Variants in NEK11 observed in about 807,000 individuals in gnomAD.
NEK11 encodes NIMA related kinase 11.
Under a neutral mutation model 80.7 loss-of-function variants are expected in NEK11, and 72 were observed. That is an observed-to-expected ratio of 0.89 (90% confidence interval 0.74 to 1.08). The LOEUF (loss-of-function observed/expected upper bound fraction) is 1.08. NEK11 is among the 50% of genes least tolerant of loss of function. The pLI is 0.00. For missense variants in NEK11, 764 were observed against 763.6 expected (o/e 1.00, Z -0.01); for synonymous variants, 251 against 260.7 (o/e 0.96, Z 0.36).
chr3:131,212,179 G>A (rs1488463916), intron 14 of NEK11, among the ~76,000 whole-genome samples: 1 of 152,150 alleles, frequency 6.6e-6, no homozygotes, highest in African/African-American at 2.4e-5. Context: ...TGATGTTGAT[G>A]CTATTTCTTT....
chr3:131,169,249 TG>T (rs1248084602), intron 13 of NEK11, among the ~76,000 whole-genome samples: 1 of 152,172 alleles, frequency 6.6e-6, no homozygotes, highest in African/African-American at 2.4e-5. Context: ...CTAATCTCAT[TG>T]GGGCTCTGTT....
At chr3:131,038,425 C>A (rs1314439773) in intron 3 of NEK11, among the ~76,000 whole-genome samples, 1 of 152,214 alleles carries the variant, frequency 6.6e-6, no homozygotes, top group African/African-American at 2.4e-5. Flanking sequence ...AAATGACTTT[C>A]CTAAGGCCGC....
chr3:131,144,539 A>G (rs1560619346), intron 7 of NEK11, among the ~76,000 whole-genome samples: 1 of 152,216 alleles, frequency 6.6e-6, no homozygotes, highest in African/African-American at 2.4e-5. Flanking sequence ...ACTGGTACAT[A>G]GAAATATAGT....
intron 16 of NEK11, among the ~76,000 whole-genome samples, chr3:131,260,172 G>T (rs2095889260): frequency 6.6e-6 from 1 of 152,012 alleles, no homozygotes; most frequent in Non-Finnish European, 1.5e-5. Context: ...CTTTTAGAGG[G>T]GAAGTTCTGT....
chr3:131,175,867 T>C (rs2092980720), intron 14 of NEK11, among the ~76,000 whole-genome samples: 1 of 152,190 alleles, frequency 6.6e-6, no homozygotes, highest in Non-Finnish European at 1.5e-5. Flanking sequence ...AAGAACGATG[T>C]GAGTGAAGTC....
intron 3 of NEK11, among the ~76,000 whole-genome samples, chr3:131,062,038 GA>G (rs1353884432): frequency 1.3e-5 from 2 of 152,180 alleles, no homozygotes; most frequent in African/African-American, 4.8e-5. Flanking sequence ...AGGCACCAAA[GA>G]GCAAGTAAAA....
chr3:131,160,061 T>G (rs1180338000), intron 10 of NEK11, among the ~76,000 whole-genome samples: 2 of 152,054 alleles, frequency 1.3e-5, no homozygotes, highest in Non-Finnish European at 2.9e-5. Flanking sequence ...ACACTCAAAT[T>G]CAGAAAATGC....
At chr3:131,153,478 G>A (rs568203242) in intron 9 of NEK11, among the ~76,000 whole-genome samples, 39 of 152,152 alleles carry the variant, frequency 2.6e-4, no homozygotes, top group South Asian at 8.3e-4. Flanking sequence ...GCAGAAAATG[G>A]TCCCCTCTTT....
At chr3:131,256,972 C>A (rs1323444835) in intron 16 of NEK11, among the ~76,000 whole-genome samples, 1 of 151,852 alleles carries the variant, frequency 6.6e-6, no homozygotes, top group Non-Finnish European at 1.5e-5. Flanking sequence ...TTCATGTGGT[C>A]TCTGCTTCTT....
intron 5 of NEK11, among the ~76,000 whole-genome samples, chr3:131,110,816 T>C (rs957579284): frequency 6.6e-6 from 1 of 152,192 alleles, no homozygotes; most frequent in African/African-American, 2.4e-5. Context: ...AGTAATCGGA[T>C]TATTCTGTAA....
At position 131,159,488 on chromosome 3, in the gene NEK11, G is replaced by A. The variant is rs141638311; in HGVS notation, c.963-2920G>A. On this transcript the variant is annotated intron_variant, in intron 10 of 17. Coordinates refer to ENST00000383366, the MANE Select transcript of NEK11 (RefSeq NM_024800.5). ...AACCACACTGTAAGAATTTCAGGCCGGGCCCAGTGGCTCATGCCTATAATC... is the reference window on the plus strand; with the variant it reads ...AACCACACTGTAAGAATTTCAGGCCAGGCCCAGTGGCTCATGCCTATAATC... 1.3e-3 allele frequency among the ~76,000 whole-genome samples: 201 copies of A among 152,302 alleles called. 1 individual carries two copies. The highest frequency in any genetic ancestry group is 4.6e-3 in the African/African-American group (193 of 41,566).
chr3:131,233,585 C>G (rs1351772864), intron 15 of NEK11, among the ~76,000 whole-genome samples: 1 of 152,146 alleles, frequency 6.6e-6, no homozygotes, highest in Non-Finnish European at 1.5e-5. Context: ...AGGAAGGGAT[C>G]ATGAGTTAGG....
intron 5 of NEK11, among the ~76,000 whole-genome samples, chr3:131,128,333 A>G (rs1227080981): frequency 2.6e-5 from 4 of 151,934 alleles, no homozygotes; most frequent in African/African-American, 4.8e-5. Flanking sequence ...TCCCTCTTAA[A>G]CCCTGGCAAC....
intron 17 of NEK11, among the ~76,000 whole-genome samples, chr3:131,296,212 T>C (rs1241061366): frequency 1.3e-5 from 2 of 152,180 alleles, no homozygotes; most frequent in Non-Finnish European, 2.9e-5. Flanking sequence ...AAAATAATCC[T>C]AATTCTCTCC....
intron 4 of NEK11, among the ~76,000 whole-genome samples, chr3:131,087,391 G>A (rs1269023798): frequency 5.9e-5 from 9 of 151,848 alleles, no homozygotes; most frequent in African/African-American, 1.7e-4. Context: ...CTACTGGCGC[G>A]TGCCACCACG....
chr3:131,156,649 C>G (rs1175820201), intron 10 of NEK11, among the ~76,000 whole-genome samples: 2 of 152,150 alleles, frequency 1.3e-5, no homozygotes, highest in Non-Finnish European at 2.9e-5. Context: ...TAATAACACT[C>G]TCTCAATTCA....
chr3:131,297,457 C>G (rs1215134582), intron 17 of NEK11, among the ~76,000 whole-genome samples: 1 of 151,898 alleles, frequency 6.6e-6, no homozygotes, highest in Non-Finnish European at 1.5e-5. Context: ...GCATAAATGT[C>G]TTCTTTTGAG....
chr3:131,140,707 G>A (rs2086700099), intron 7 of NEK11, among the ~76,000 whole-genome samples: 1 of 152,190 alleles, frequency 6.6e-6, no homozygotes, highest in African/African-American at 2.4e-5. Context: ...CTTAAGAGAA[G>A]TGGCTTGTGC....
At chr3:131,346,621 G>T (rs182742261) in intron 17 of NEK11, among the ~76,000 whole-genome samples, 1 of 152,316 alleles carries the variant, frequency 6.6e-6, no homozygotes, top group East Asian at 1.9e-4. Context: ...CGAGATAATG[G>T]TTATGATGAT....
Sources: allele counts gnomAD v4.1 joint callset (sites outside exome capture counted in the v4.1 genomes callset), GRCh38; gene constraint gnomAD v4.1.1; transcripts MANE v1.5; gene names NCBI Gene and HGNC (gene_info 2026-07-23, HGNC 2026-07-21).